Variants in LAMC2 observed in about 807,000 individuals in gnomAD.
LAMC2 encodes laminin subunit gamma 2.
LAMC2 carries 97 observed loss-of-function variants against 140.2 expected under a neutral mutation model. That is an observed-to-expected ratio of 0.69 (90% CI 0.59 to 0.82). The LOEUF is 0.82. Ranked by LOEUF, LAMC2 falls within the 40% of genes least tolerant of loss-of-function variation. The pLI, the probability that LAMC2 is intolerant of heterozygous loss-of-function variation, is 0.00. For missense variants in LAMC2, 1,402 were observed against 1,476.1 expected (o/e 0.95, Z 0.82); for synonymous variants, 513 against 540.2 (o/e 0.95, Z 0.70).
At chr1:183,222,311 G>A (rs561467312) in intron 6 of LAMC2, 100 bp downstream of exon 6, 1 of 1,354,984 alleles carries the variant, frequency 7.4e-7, no homozygotes, top group Non-Finnish European at 1.1e-6. Flanking sequence ...TATAACTTTG[G>A]GTTCAGGGTA....
At position 183,240,625 on chromosome 1, in the gene LAMC2, G is replaced by C. The variant is rs1272158248; in HGVS notation, c.3328+234G>C. Reference sequence around the variant, plus strand: ...AACACCTATTGCACTTGGGGGTAAAGGTCTGTGGGCCAAAGAACAGGTGTA... The same window carrying C: ...AACACCTATTGCACTTGGGGGTAAACGTCTGTGGGCCAAAGAACAGGTGTA... On this transcript the variant is annotated intron_variant, in intron 22 of 22. Coordinates refer to ENST00000264144, the MANE Select transcript of LAMC2 (RefSeq NM_005562.3). 9.9e-6 allele frequency: 14 copies of C among 1,416,172 alleles called. 1 individual carries two copies. In the East Asian group the frequency reaches 1.3e-4, roughly 13 times the overall value. The allele number at this position is 1,416,172 out of a possible 1,614,324, so 87.7% of individuals were successfully genotyped here.
At chr1:183,241,298 T>C (rs773938624) in intron 22 of LAMC2, 20 of 985,174 alleles carry the variant, frequency 2.0e-5, no homozygotes, top group Non-Finnish European at 2.4e-5. Context: ...GATTTTACAT[T>C]TGTTCCTCCC....
In LAMC2 at chr1:183,217,908, A is replaced by G. The variant is rs548540614; in HGVS notation, c.405-482A>G. Reference sequence around the variant, plus strand: ...TGTACATTTTAAATGGGTGAATTGCATGGCATATGAATTATATCTCAATTG... The same window carrying G: ...TGTACATTTTAAATGGGTGAATTGCGTGGCATATGAATTATATCTCAATTG... On this transcript the variant is annotated intron_variant, in intron 3 of 22. Transcript: ENST00000264144. 5.3e-5 allele frequency among the ~76,000 whole-genome samples: 8 copies of G among 152,266 alleles called. No homozygotes were observed. In the South Asian group the frequency reaches 1.7e-3, roughly 31 times the overall value.
At chr1:183,199,337 C>T (rs757811494) in intron 1 of LAMC2, among the ~76,000 whole-genome samples, 29 of 151,874 alleles carry the variant, frequency 1.9e-4, no homozygotes, top group African/African-American at 5.1e-4. Flanking sequence ...CTCTTAATCT[C>T]GTGATCCACC....
chr1:183,199,845 G>A (rs1658650658), intron 1 of LAMC2, among the ~76,000 whole-genome samples: 1 of 152,190 alleles, frequency 6.6e-6, no homozygotes, highest in Non-Finnish European at 1.5e-5. Flanking sequence ...AAAGGAAATA[G>A]CAAGCCTAAA....
chr1:183,257,337 A>C, the LAMC2 span, among the ~76,000 whole-genome samples: 2 of 152,018 alleles, frequency 1.3e-5, no homozygotes, highest in Admixed American at 1.3e-4. Flanking sequence ...GCTACTTGGG[A>C]GGCTGAGGCA....
chr1:183,193,513 ACT>A (rs1658412096), intron 1 of LAMC2, among the ~76,000 whole-genome samples: 2 of 29,598 alleles, frequency 6.8e-5, no homozygotes, highest in Non-Finnish European at 1.1e-4. Context: ...CTTTATACAT[ACT>A]TACTGCTGTT....
At chr1:183,203,762 C>A (rs1658798120) in intron 1 of LAMC2, among the ~76,000 whole-genome samples, 1 of 152,040 alleles carries the variant, frequency 6.6e-6, no homozygotes, top group South Asian at 2.1e-4. Context: ...AGTGTCTTCA[C>A]GGAGTTCTCA....
chr1:183,188,971 T>C (rs1254328033), intron 1 of LAMC2, among the ~76,000 whole-genome samples: 2 of 152,214 alleles, frequency 1.3e-5, no homozygotes, highest in Non-Finnish European at 2.9e-5. Context: ...CAGGAATTAG[T>C]GTGACTGGAT....
the LAMC2 span, chr1:183,250,833 T>C: frequency 1.3e-5 from 2 of 152,646 alleles, no homozygotes; most frequent in African/African-American, 4.8e-5. Flanking sequence ...TCAAGTTCCT[T>C]TTCCCGCAAT....
intron 19 of LAMC2, 121 bp from the exon 20 acceptor site, chr1:183,239,243 C>A (rs1029956908): frequency 1.1e-6 from 1 of 906,460 alleles, no homozygotes; most frequent in Non-Finnish European, 1.9e-6. Context: ...ACTTCCCACA[C>A]CGTCATCCCC....
chr1:183,224,463 AG>A (rs982971153), intron 7 of LAMC2, among the ~76,000 whole-genome samples: 1 of 152,160 alleles, frequency 6.6e-6, no homozygotes, highest in African/African-American at 2.4e-5. Flanking sequence ...TGTGATCGTC[AG>A]GTGTGAAGGC....
chr1:183,236,770 C>T (rs1376171310), intron 17 of LAMC2, among the ~76,000 whole-genome samples, 166 bp downstream of exon 17: 1 of 152,180 alleles, frequency 6.6e-6, no homozygotes, highest in Non-Finnish European at 1.5e-5. Flanking sequence ...TTTGCTTGTT[C>T]TTAAACCACA....
At chr1:183,220,983 G>A in intron 5 of LAMC2, 22 bp downstream of exon 5, 1 of 1,612,842 alleles carries the variant, frequency 6.2e-7, no homozygotes, top group Non-Finnish European at 8.5e-7. Flanking sequence ...TATTTTCTAG[G>A]TTTTAGTTTT....
intron 1 of LAMC2, among the ~76,000 whole-genome samples, chr1:183,199,096 TC>T (rs1658619055): frequency 6.8e-6 from 1 of 146,314 alleles, no homozygotes; most frequent in Non-Finnish European, 1.5e-5. Flanking sequence ...TGTTGGCTTT[TC>T]TTTTTTTTTT....
In LAMC2 at chr1:183,218,359, T is replaced by C. The variant is rs10911285; in HGVS notation, c.405-31T>C. On this transcript the variant is annotated intron_variant, in intron 3 of 22. Transcript: ENST00000264144. ...CATAGTTGTGAAGCATTTGGAAGCA[T>C]GTCCCTAATTTTCTTTTTCTTCTTC... 324,224 of 1,509,598 alleles carry C rather than the reference T, an allele frequency of 0.21. 39,409 individuals carry two copies. Among genetic ancestry groups the C allele is most frequent in the East Asian group, 0.39 (17,332 of 44,308 alleles). The allele number at this position is 1,509,598 out of a possible 1,614,324, so 93.5% of individuals were successfully genotyped here.
At chr1:183,255,050 A>G in the LAMC2 span, among the ~76,000 whole-genome samples, 1 of 152,174 alleles carries the variant, frequency 6.6e-6, no homozygotes, top group Admixed American at 6.5e-5. Flanking sequence ...ACTGTTTCAG[A>G]TCTTACACTT....
intron 14 of LAMC2, among the ~76,000 whole-genome samples, chr1:183,233,845 T>C (rs1019787383): frequency 1.3e-5 from 2 of 151,986 alleles, no homozygotes; most frequent in African/African-American, 4.8e-5. Context: ...ACAGACTTTT[T>C]TGAACTTGGA....
intron 9 of LAMC2, 79 bp from the exon 10 acceptor site, chr1:183,227,436 C>T: frequency 1.5e-6 from 2 of 1,338,524 alleles, no homozygotes; most frequent in South Asian, 1.2e-5. Context: ...TGACATTCTA[C>T]ACTCTGACCC....
Sources: allele counts gnomAD v4.1 joint callset (sites outside exome capture counted in the v4.1 genomes callset), GRCh38; gene constraint gnomAD v4.1.1; transcripts MANE v1.5; gene names NCBI Gene and HGNC (gene_info 2026-07-23, HGNC 2026-07-21).